The following LCA5L variants were observed in gnomAD, a reference collection of about 807,000 sequenced individuals.
The protein encoded by LCA5L is lebercilin LCA5 like.
LCA5L carries 35 observed loss-of-function variants against 45.4 expected under a neutral mutation model. The ratio of observed to expected loss-of-function variants is 0.77; its 90% CI spans 0.59 to 1.02. The LOEUF (loss-of-function observed/expected upper bound fraction) is 1.02. LCA5L is among the 50% of genes least tolerant of loss of function. LCA5L has a pLI of 0.00. For missense variants in LCA5L, 668 were observed against 761.6 expected (o/e 0.88, Z 1.45); for synonymous variants, 233 against 264.7 (o/e 0.88, Z 1.16).
chr21:39,416,649 TCTTA>T (rs1238226713), intron 7 of LCA5L, among the ~76,000 whole-genome samples: 9 of 147,854 alleles, frequency 6.1e-5, no homozygotes, highest in Non-Finnish European at 1.0e-4. Context: ...TTTGACTCTA[TCTTA>T]CTTCTGTATT....
chr21:39,414,738 C>CTA (rs763309098), intron 7 of LCA5L, among the ~76,000 whole-genome samples: 1 of 107,328 alleles, frequency 9.3e-6, no homozygotes, highest in Non-Finnish European at 1.9e-5. Context: ...CTCTCTCTCT[C>CTA]TCTCTGTGTG....
chr21:39,433,142 C>T (rs970366691), intron 3 of LCA5L, among the ~76,000 whole-genome samples: 24 of 152,160 alleles, frequency 1.6e-4, no homozygotes, highest in African/African-American at 5.8e-4. Flanking sequence ...CCTGGCCGGG[C>T]ACGGTGGCTC....
At chr21:39,426,137 C>T (rs373056787) in intron 5 of LCA5L, 5 of 152,302 alleles carry the variant, frequency 3.3e-5, no homozygotes, top group East Asian at 3.9e-4. Flanking sequence ...ATTCCCCAAA[C>T]GTGTCTGAGA....
intron 7 of LCA5L, 121 bp downstream of exon 7, chr21:39,420,585 G>T (rs1490868541): frequency 1.7e-5 from 12 of 696,016 alleles, no homozygotes; most frequent in Non-Finnish European, 2.7e-5. Context: ...CCTACAAAGG[G>T]TAGAGGAGCC....
intron 7 of LCA5L, 38 bp downstream of exon 7, chr21:39,420,668 C>G (rs373572715): frequency 6.4e-7 from 1 of 1,566,086 alleles, no homozygotes; most frequent in African/African-American, 1.4e-5. Flanking sequence ...TTTCGGGAAA[C>G]AGGATTTCAT....
intron 2 of LCA5L, among the ~76,000 whole-genome samples, chr21:39,438,117 G>T (rs2205200): frequency 0.25 from 37,528 of 152,080 alleles, 5,489 homozygotes; most frequent in African/African-American, 0.41. Flanking sequence ...TACTGAGATA[G>T]AAAACTACAG....
Position 39,428,373 on chromosome 21 carries a change from TC to T in LCA5L, c.120del (p.Asn41ThrfsTer21), listed in dbSNP as rs977411825. The T allele has an allele frequency of 1.2e-6, 2 of 1,613,524 alleles. No individual in the cohort carries two copies. Among genetic ancestry groups the T allele is most frequent in the Non-Finnish European group, 1.7e-6 (2 of 1,179,890 alleles). On this transcript the variant is annotated frameshift_variant, in exon 5 of 11. Coordinates refer to ENST00000288350, the MANE Select transcript of LCA5L (RefSeq NM_152505.4). LOFTEE classifies it high-confidence loss of function. ...ACACTCTTATTGGAAGCATTACTGT[TC>T]CGTGAAAAATCGCCTGTGCCTGGGC... ...KRSPGTGDFSRNSNASNKSVD... is the reference protein window; with the variant it reads ...KRSPGTGDFSXNSNASNKSVD...
intron 3 of LCA5L, among the ~76,000 whole-genome samples, chr21:39,434,351 T>C (rs2076084043): frequency 6.6e-6 from 1 of 152,244 alleles, no homozygotes; most frequent in Admixed American, 6.5e-5. Context: ...ATGACTAGTA[T>C]CAGGCCTATA....
At chr21:39,421,117 T>C (rs1190941634) in intron 6 of LCA5L, among the ~76,000 whole-genome samples, 1 of 151,530 alleles carries the variant, frequency 6.6e-6, no homozygotes, top group Non-Finnish European at 1.5e-5. Context: ...TTTTTTTTTT[T>C]TCTAAGTTGG....
At chr21:39,420,573 C>G in intron 7 of LCA5L, 133 bp downstream of exon 7, 1 of 562,776 alleles carries the variant, frequency 1.8e-6, no homozygotes, top group Non-Finnish European at 2.9e-6. Context: ...GGGCCCAGGC[C>G]CCCTACAAAG....
intron 2 of LCA5L, among the ~76,000 whole-genome samples, chr21:39,440,450 C>T (rs2076721321): frequency 6.6e-6 from 1 of 152,118 alleles, no homozygotes; most frequent in South Asian, 2.1e-4. Flanking sequence ...CACCTATGGT[C>T]CCAGCTACTT....
chr21:39,414,742 C>CTCTGTGTGTGTGTGTG (rs1341489035), intron 7 of LCA5L, among the ~76,000 whole-genome samples: 46 of 99,224 alleles, frequency 4.6e-4, no homozygotes, highest in African/African-American at 6.6e-4. Flanking sequence ...CTCTCTCTCT[C>CTCTGTGTGTGTGTGTG]TGTGTGTGTG....
intron 3 of LCA5L, among the ~76,000 whole-genome samples, chr21:39,429,930 G>A (rs1328349025): frequency 2.0e-5 from 3 of 152,132 alleles, no homozygotes; most frequent in Admixed American, 2.0e-4. Context: ...AAGTGGGATT[G>A]CTTGAGTCCA....
intron 6 of LCA5L, 150 bp from the exon 7 acceptor site, chr21:39,420,993 A>C: frequency 1.9e-6 from 1 of 528,642 alleles, no homozygotes; most frequent in Non-Finnish European, 3.2e-6. Context: ...ATTGGAATGA[A>C]GTATAACCGA....
intron 6 of LCA5L, among the ~76,000 whole-genome samples, chr21:39,421,368 G>T (rs1000611342): frequency 6.6e-6 from 1 of 152,138 alleles, no homozygotes; most frequent in Non-Finnish European, 1.5e-5. Context: ...TATTACGGGC[G>T]AGAGGCCACT....
In LCA5L at chr21:39,428,433, C is replaced by G; in HGVS notation, c.61G>C (p.Glu21Gln). ...CATGCTGCAGACCTCCTATTGTTTT[C>G]TAATGCCACGCCGAAGAAATGCTCA... ...IDEHFFGVAL[E>Q]NNRRSAACKR... is the part of the protein sequence containing the mutation. Residue 21 changes from glutamate (E) to glutamine (Q), a missense_variant, in exon 5 of 11, where the codon GAA becomes CAA. Coordinates refer to ENST00000288350, the MANE Select transcript of LCA5L (RefSeq NM_152505.4). 4 of 1,612,510 alleles carry G rather than the reference C, an allele frequency of 2.5e-6. No individual in the cohort carries two copies. Among genetic ancestry groups the G allele is most frequent in the South Asian group, 2.2e-5 (2 of 90,848 alleles).
chr21:39,439,880 A>T (rs535209576), intron 2 of LCA5L: 1 of 152,234 alleles, frequency 6.6e-6, no homozygotes, highest in African/African-American at 2.4e-5. Flanking sequence ...AACTGAGGAC[A>T]TAAGTAAATA....
At chr21:39,418,348 CAGATAT>C in intron 7 of LCA5L, among the ~76,000 whole-genome samples, 1 of 152,078 alleles carries the variant, frequency 6.6e-6, no homozygotes, top group Non-Finnish European at 1.5e-5. Context: ...TTGCTGTTTA[CAGATAT>C]ATAGATATCC....
intron 8 of LCA5L, chr21:39,410,769 C>T (rs1042802717): frequency 2.6e-5 from 12 of 465,614 alleles, no homozygotes; most frequent in African/African-American, 1.6e-4. Context: ...ATCTAGACTG[C>T]ACTTTCCTGA....
Sources: gnomAD v4.1 joint callset for allele counts (sites outside exome capture counted in the v4.1 genomes callset) on GRCh38, gnomAD v4.1.1 for gene constraint, MANE v1.5 for transcripts, NCBI Gene and HGNC (gene_info 2026-07-23, HGNC 2026-07-21) for gene names.